The following CELF4 variants were observed in gnomAD, a reference collection of about 807,000 sequenced individuals.
CELF4 encodes CUGBP Elav-like family member 4, also known as CUG-BP- and ETR-3-like factor 4.
Under a neutral mutation model 59.9 loss-of-function variants are expected in CELF4, and 18 were observed. The ratio of observed to expected loss-of-function variants is 0.30; its 90% CI spans 0.21 to 0.45. CELF4 has a LOEUF of 0.45. Ranked by LOEUF, CELF4 falls within the 20% of genes least tolerant of loss-of-function variation. CELF4 has a pLI of 1.00. For synonymous variants in CELF4, 261 were observed against 267.1 expected (o/e 0.98, Z 0.22); for missense variants, 456 against 689.0 (o/e 0.66, Z 3.79).
intron 2 of CELF4, among the ~76,000 whole-genome samples, chr18:37,352,994 G>A (rs2098475949): frequency 1.3e-5 from 2 of 152,076 alleles, no homozygotes; most frequent in South Asian, 4.1e-4. Flanking sequence ...GGCCAAGGTG[G>A]GCAGATCAGG....
intron 7 of CELF4, among the ~76,000 whole-genome samples, chr18:37,271,319 A>G (rs1018758343): frequency 8.4e-5 from 12 of 142,100 alleles, no homozygotes; most frequent in Non-Finnish European, 1.6e-4. Flanking sequence ...CAGTGGTGCA[A>G]TCTCAGCTCA....
At chr18:37,392,180 G>A (rs1374844535) in intron 2 of CELF4, among the ~76,000 whole-genome samples, 1 of 152,208 alleles carries the variant, frequency 6.6e-6, no homozygotes, top group Non-Finnish European at 1.5e-5. Flanking sequence ...CCAAGAACAA[G>A]CTAGTTCTGG....
intron 2 of CELF4, among the ~76,000 whole-genome samples, chr18:37,334,308 T>C (rs1410548970): frequency 6.6e-6 from 1 of 152,208 alleles, no homozygotes; most frequent in Non-Finnish European, 1.5e-5. Context: ...TATGTAGCCC[T>C]GAGGTTTCAG....
At chr18:37,464,315 A>G (rs887100957) in intron 2 of CELF4, among the ~76,000 whole-genome samples, 1 of 152,090 alleles carries the variant, frequency 6.6e-6, no homozygotes, top group Non-Finnish European at 1.5e-5. Context: ...TCGCATCTGT[A>G]CAGCCAAGCT....
chr18:37,507,420 C>T (rs10502674), intron 1 of CELF4, among the ~76,000 whole-genome samples: 35,454 of 152,172 alleles, frequency 0.23, 5,241 homozygotes, highest in African/African-American at 0.42. Flanking sequence ...GTCTGATAAC[C>T]TCCTAATTCA....
chr18:37,300,621 A>T (rs550605097), intron 3 of CELF4, among the ~76,000 whole-genome samples: 1 of 152,326 alleles, frequency 6.6e-6, no homozygotes, highest in African/African-American at 2.4e-5. Flanking sequence ...CACTGTGCAA[A>T]TTGCCAAGAT....
At chr18:37,419,711 G>T (rs145690833) in intron 2 of CELF4, among the ~76,000 whole-genome samples, 114 of 152,284 alleles carry the variant, frequency 7.5e-4, no homozygotes, top group Non-Finnish European at 1.5e-3. Context: ...GACGCCCTCC[G>T]GTACCCAAAG....
At chr18:37,395,070 G>A (rs2099226025) in intron 2 of CELF4, among the ~76,000 whole-genome samples, 1 of 151,914 alleles carries the variant, frequency 6.6e-6, no homozygotes, top group Admixed American at 6.6e-5. Flanking sequence ...CGTGGCCATG[G>A]GTTTCCCATA....
chr18:37,268,832 C>T (rs769746101), intron 8 of CELF4, among the ~76,000 whole-genome samples: 68 of 152,312 alleles, frequency 4.5e-4, no homozygotes, highest in Non-Finnish European at 6.6e-4. Context: ...GTCCAAACTC[C>T]GCATTTAAAG....
chr18:37,257,802 C>T (rs1311175212), intron 11 of CELF4, among the ~76,000 whole-genome samples: 1 of 152,138 alleles, frequency 6.6e-6, no homozygotes, highest in East Asian at 1.9e-4. Flanking sequence ...ATATGTGGCT[C>T]TCTGGGGACT....
Position 37,298,765 on chromosome 18 carries a change from A to G in CELF4, c.448+23038T>C, listed in dbSNP as rs1463009571. Among the ~76,000 whole-genome samples the G allele has an allele frequency of 3.3e-5, 5 of 150,832 alleles. No homozygotes were observed. In the South Asian group the frequency reaches 8.4e-4, roughly 25 times the overall value. The stretch of plus-strand genomic sequence containing the variant: ...AAATCCAGTCTTAACAACAGTCTAC[A>G]AGATCTGATAGGATCCTCCCCTTCT... On this transcript the variant is annotated intron_variant, in intron 3 of 12. Coordinates refer to ENST00000420428, the MANE Select transcript of CELF4 (RefSeq NM_020180.4).
chr18:37,563,031 G>A (rs2099987023), intron 1 of CELF4, among the ~76,000 whole-genome samples: 1 of 151,598 alleles, frequency 6.6e-6, no homozygotes. Context: ...TTTGTCCTAG[G>A]AATTCTGGCC....
In CELF4 at chr18:37,354,680, G is replaced by A. The variant is rs2098532169; in HGVS notation, c.370-32799C>T. ...ACTCCTTACACTGTGGCTTGCAGGAGAGGTGGGTGCACTCTGGGGTGAGCA... is the reference window on the plus strand; with the variant it reads ...ACTCCTTACACTGTGGCTTGCAGGAAAGGTGGGTGCACTCTGGGGTGAGCA... On this transcript the variant is annotated intron_variant, in intron 2 of 12. Coordinates refer to ENST00000420428, the MANE Select transcript of CELF4 (RefSeq NM_020180.4). 2.0e-5 allele frequency among the ~76,000 whole-genome samples: 3 copies of A among 152,222 alleles called. No homozygotes were observed. The South Asian group carries it at 6.2e-4, about 32-fold the overall frequency.
At chr18:37,379,140 C>T (rs931263310) in intron 2 of CELF4, among the ~76,000 whole-genome samples, 1 of 152,174 alleles carries the variant, frequency 6.6e-6, no homozygotes, top group Admixed American at 6.5e-5. Context: ...GTTCACCTGC[C>T]TCCCCCGGGG....
In CELF4 at chr18:37,273,591, G is replaced by A. The variant is rs919834894; in HGVS notation, c.802-428C>T. On this transcript the variant is annotated intron_variant, in intron 6 of 12. Transcript: ENST00000420428. The stretch of plus-strand genomic sequence containing the variant: ...TTGGAGTCTGTTGGTAGAAGTGACA[G>A]GAGAATTATGAATAGAACCCCAGGC... 15 of 991,886 alleles carry A rather than the reference G, an allele frequency of 1.5e-5. No individual in the cohort carries two copies. The African/African-American group carries it at 2.4e-4, about 16-fold the overall frequency. 61.4% of individuals were successfully genotyped at this position (991,886 alleles called of 1,614,324 possible).
chr18:37,554,200 G>A (rs2099984093), intron 1 of CELF4, among the ~76,000 whole-genome samples: 1 of 152,172 alleles, frequency 6.6e-6, no homozygotes, highest in Non-Finnish European at 1.5e-5. Flanking sequence ...GGAACTGTCT[G>A]GGGCAGCCTC....
chr18:37,447,938 G>A (rs2099752765), intron 2 of CELF4, among the ~76,000 whole-genome samples: 1 of 152,106 alleles, frequency 6.6e-6, no homozygotes, highest in Admixed American at 6.5e-5. Flanking sequence ...CTCCTCCGGG[G>A]CCATCCAGGG....
chr18:37,280,329 T>C (rs1034061103), intron 3 of CELF4, among the ~76,000 whole-genome samples: 1 of 152,212 alleles, frequency 6.6e-6, no homozygotes, highest in Non-Finnish European at 1.5e-5. Context: ...GAGCACTCAC[T>C]GTGTGCCTGG....
At chr18:37,466,401 A>T (rs2154602366) in intron 2 of CELF4, among the ~76,000 whole-genome samples, 1 of 128,438 alleles carries the variant, frequency 7.8e-6, no homozygotes, top group East Asian at 2.7e-4. Flanking sequence ...GTATGCTGGG[A>T]GCTTCGATCT....
Sources: allele counts gnomAD v4.1 joint callset (sites outside exome capture counted in the v4.1 genomes callset), GRCh38; gene constraint gnomAD v4.1.1; transcripts MANE v1.5; gene names NCBI Gene and HGNC (gene_info 2026-07-23, HGNC 2026-07-21).